Variants in FNIP2 observed in about 807,000 individuals in gnomAD.
FNIP2 encodes folliculin-interacting protein 2.
In FNIP2, 32 loss-of-function variants were observed where a neutral mutation model predicts 108.7. The ratio of observed to expected loss-of-function variants is 0.29; its 90% CI spans 0.22 to 0.40. The LOEUF (loss-of-function observed/expected upper bound fraction) is 0.40. Among genes scored for constraint, FNIP2 ranks in the 10% least tolerant of loss-of-function variants. The pLI, the probability that FNIP2 is intolerant of heterozygous loss-of-function variation, is 1.00. For missense variants in FNIP2, 1,202 were observed against 1,381.6 expected, an observed-to-expected ratio of 0.87 and a Z score of 2.06; for synonymous variants, 480 against 496.7, an observed-to-expected ratio of 0.97 and a Z score of 0.45.
At position 158,838,545 on chromosome 4, in the gene FNIP2, G is replaced by T. The variant is rs548029798; in HGVS notation, c.727+3069G>T. ...CTAGGCCTGCAATTTTTAACTTCCT[G>T]TCCAAATAGTTGATAAATGGGGAAA... On this transcript the variant is annotated intron_variant, in intron 7 of 16. Coordinates refer to ENST00000264433, the MANE Select transcript of FNIP2 (RefSeq NM_020840.3). Among the ~76,000 whole-genome samples the T allele has an allele frequency of 1.8e-4, 27 of 152,156 alleles. 1 individual carries two copies. The highest frequency in any genetic ancestry group is 6.5e-4 in the African/African-American group (27 of 41,514).
intron 1 of FNIP2, among the ~76,000 whole-genome samples, chr4:158,785,383 C>T (rs1269499093): frequency 1.3e-5 from 2 of 151,914 alleles, no homozygotes; most frequent in African/African-American, 4.8e-5. Flanking sequence ...CGCGCCTGGC[C>T]CCTCTCTTTT....
rs1782285149 is a variant in FNIP2, at chr4:158,891,656, G to T, written c.3150+10G>T. ...CCTCCCTGCTGATTTTGTAAGTACT[G>T]GTTCTTATATCACCAAAGAAATCTA... On this transcript the variant is annotated intron_variant, in intron 15 of 16. Coordinates refer to ENST00000264433, the MANE Select transcript of FNIP2 (RefSeq NM_020840.3). The T allele has an allele frequency of 6.3e-7, 1 of 1,595,974 alleles. No homozygotes were observed. The highest frequency in any genetic ancestry group is 1.7e-5 in the Admixed American group (1 of 58,582).
chr4:158,887,906 C>T (rs1300540542), intron 14 of FNIP2, among the ~76,000 whole-genome samples: 5 of 152,120 alleles, frequency 3.3e-5, no homozygotes, highest in Admixed American at 3.3e-4. Context: ...AATATGTTTA[C>T]ACTGCCCAGT....
At chr4:158,804,772 A>G (rs1776884293) in intron 1 of FNIP2, among the ~76,000 whole-genome samples, 1 of 152,186 alleles carries the variant, frequency 6.6e-6, no homozygotes, top group Non-Finnish European at 1.5e-5. Context: ...CTTTAAAGGC[A>G]GTTTATGGGA....
chr4:158,905,030 A>C lies in FNIP2; in HGVS notation c.*486A>C, dbSNP rs1207013812. The C allele has an allele frequency of 6.5e-6, 1 of 153,406 alleles. No individual in the cohort carries two copies. The highest frequency in any genetic ancestry group is 1.9e-4 in the East Asian group (1 of 5,258). 9.5% of individuals were successfully genotyped at this position (153,406 alleles called of 1,614,324 possible). ...ATACAGACTTTGGATTCCAGGTCAC[A>C]GTTTGCTTTTTAGACAAGGTAAAGC... On this transcript the variant is annotated 3_prime_UTR_variant, in exon 17 of 17. Coordinates refer to ENST00000264433, the MANE Select transcript of FNIP2 (RefSeq NM_020840.3).
At chr4:158,773,069 G>A (rs1276849242) in intron 1 of FNIP2, among the ~76,000 whole-genome samples, 1 of 152,148 alleles carries the variant, frequency 6.6e-6, no homozygotes, top group East Asian at 1.9e-4. Flanking sequence ...TATTTCTAAT[G>A]AGATTTGTTC....
chr4:158,800,433 C>T (rs1383679071), intron 1 of FNIP2, among the ~76,000 whole-genome samples: 2 of 151,896 alleles, frequency 1.3e-5, no homozygotes, highest in Admixed American at 1.3e-4. Flanking sequence ...CAAATTGCAC[C>T]CTTCCAGGGT....
At chr4:158,894,007 A>G (rs897802662) in intron 15 of FNIP2, among the ~76,000 whole-genome samples, 2 of 152,220 alleles carry the variant, frequency 1.3e-5, no homozygotes, top group Admixed American at 6.5e-5. Context: ...CTGTGATTAA[A>G]TGGCTTTTAG....
rs898686173 is a variant in FNIP2, at chr4:158,806,294, A to G, written c.108-19622A>G. ...ACCACAAACCAGCCAGAGAGCTGGC[A>G]AGACTCTGCCAGATGTGTGAGTGAT... On this transcript the variant is annotated intron_variant, in intron 1 of 16. Coordinates refer to ENST00000264433, the MANE Select transcript of FNIP2 (RefSeq NM_020840.3). 8 of 1,289,302 alleles carry G rather than the reference A, an allele frequency of 6.2e-6. No individual in the cohort carries two copies. In the African/African-American group the frequency reaches 9.1e-5, roughly 15 times the overall value. The allele number at this position is 1,289,302 out of a possible 1,614,324, so 79.9% of individuals were successfully genotyped here. A position where few individuals can be genotyped will look rare whatever the true frequency, so the allele number is the denominator to read the frequency against.
chr4:158,797,402 G>A (rs1027860483), intron 1 of FNIP2, among the ~76,000 whole-genome samples: 7 of 152,192 alleles, frequency 4.6e-5, no homozygotes, highest in African/African-American at 1.7e-4. Context: ...GGTAGTCCTG[G>A]CAAAACACTG....
chr4:158,816,405 T>C (rs976396682), intron 1 of FNIP2, among the ~76,000 whole-genome samples: 22 of 152,204 alleles, frequency 1.4e-4, no homozygotes, highest in African/African-American at 5.1e-4. Context: ...TGTTACCTTT[T>C]ATAATTGCAG....
intron 7 of FNIP2, among the ~76,000 whole-genome samples, chr4:158,841,246 C>T (rs771688325): frequency 1.2e-4 from 19 of 152,026 alleles, no homozygotes; most frequent in Non-Finnish European, 2.4e-4. Context: ...ATGATGGTTG[C>T]GAGATAAGGC....
intron 14 of FNIP2, among the ~76,000 whole-genome samples, chr4:158,885,017 A>G (rs1280701541): frequency 6.6e-6 from 1 of 151,168 alleles, no homozygotes. Flanking sequence ...TTAGCTGGGC[A>G]TGGTGGTGTG....
chr4:158,807,992 AACGGAGTGACACTC>A (rs1469482860), intron 1 of FNIP2, among the ~76,000 whole-genome samples: 1 of 152,224 alleles, frequency 6.6e-6, no homozygotes, highest in Admixed American at 6.5e-5. Flanking sequence ...AGGAGAGAGT[AACGGAGTGACACTC>A]AAGTTTATCT....
At chr4:158,881,789 C>G (rs550573698) in intron 14 of FNIP2, among the ~76,000 whole-genome samples, 2 of 152,358 alleles carry the variant, frequency 1.3e-5, no homozygotes, top group South Asian at 4.1e-4. Flanking sequence ...GTGGCGTGAT[C>G]TCGGCTCGCT....
intron 1 of FNIP2, chr4:158,794,730 G>A (rs1776527539): frequency 6.6e-6 from 1 of 152,180 alleles, no homozygotes; most frequent in South Asian, 2.1e-4. Flanking sequence ...TTAAATATGG[G>A]TACTAGAACA....
At chr4:158,815,826 A>G (rs1345917045) in intron 1 of FNIP2, among the ~76,000 whole-genome samples, 1 of 151,950 alleles carries the variant, frequency 6.6e-6, no homozygotes, top group Non-Finnish European at 1.5e-5. Context: ...TTTTATACTT[A>G]TTTTCGTTCC....
intron 7 of FNIP2, among the ~76,000 whole-genome samples, chr4:158,846,898 C>T (rs576443721): frequency 1.1e-4 from 17 of 152,248 alleles, no homozygotes; most frequent in South Asian, 8.3e-4. Context: ...GGAGGGTAGG[C>T]GAGACAGTCT....
intron 1 of FNIP2, among the ~76,000 whole-genome samples, chr4:158,807,833 C>A (rs1777052860): frequency 6.6e-6 from 1 of 152,182 alleles, no homozygotes; most frequent in Non-Finnish European, 1.5e-5. Context: ...AGGTCACATG[C>A]TTTTCATTCA....
Sources: allele counts gnomAD v4.1 joint callset (sites outside exome capture counted in the v4.1 genomes callset), GRCh38; gene constraint gnomAD v4.1.1; transcripts MANE v1.5; gene names NCBI Gene and HGNC (gene_info 2026-07-23, HGNC 2026-07-21).